The following SORCS1 variants were observed in gnomAD, a reference collection of about 807,000 sequenced individuals.
SORCS1 encodes sortilin related VPS10 domain containing receptor 1, also known as VPS10 domain-containing receptor SorCS1.
SORCS1 carries 60 observed loss-of-function variants against 146.1 expected under a neutral mutation model. The observed-to-expected ratio is 0.41, with a 90% confidence interval of 0.33 to 0.51. The LOEUF (loss-of-function observed/expected upper bound fraction) is 0.51. Ranked by LOEUF, SORCS1 falls within the 20% of genes least tolerant of loss-of-function variation. The pLI is 0.21. For missense variants in SORCS1, 1,352 were observed against 1,487.6 expected (o/e 0.91, Z 1.50); for synonymous variants, 637 against 584.0 (o/e 1.09, Z -1.31).
chr10:106,644,029 T>C (rs1849245601), intron 18 of SORCS1, among the ~76,000 whole-genome samples: 1 of 152,188 alleles, frequency 6.6e-6, no homozygotes, highest in South Asian at 2.1e-4. Context: ...ACTTTCACAT[T>C]CACCTTGCAG....
chr10:106,933,289 A>T (rs1953513121), intron 2 of SORCS1, among the ~76,000 whole-genome samples: 1 of 152,118 alleles, frequency 6.6e-6, no homozygotes, highest in African/African-American at 2.4e-5. Context: ...CTTTTACACT[A>T]CCTGTGTCCT....
intron 2 of SORCS1, among the ~76,000 whole-genome samples, chr10:106,883,343 G>A (rs1034062022): frequency 5.3e-5 from 8 of 151,900 alleles, no homozygotes; most frequent in African/African-American, 1.5e-4. Context: ...CAGATTCTAC[G>A]CCATGCTCAA....
intron 1 of SORCS1, among the ~76,000 whole-genome samples, chr10:107,022,333 A>C (rs1029769166): frequency 6.6e-6 from 1 of 152,186 alleles, no homozygotes; most frequent in Non-Finnish European, 1.5e-5. Flanking sequence ...ACCAATCTTA[A>C]ATCAAGACTT....
intron 2 of SORCS1, among the ~76,000 whole-genome samples, chr10:106,950,465 C>T (rs1261687756): frequency 1.3e-5 from 2 of 152,050 alleles, no homozygotes; most frequent in African/African-American, 2.4e-5. Flanking sequence ...GAAAAGTGCA[C>T]GTATCTACTT....
At chr10:106,803,417 A>C (rs1947009624) in intron 3 of SORCS1, among the ~76,000 whole-genome samples, 1 of 152,212 alleles carries the variant, frequency 6.6e-6, no homozygotes, top group Admixed American at 6.5e-5. Context: ...GTTTTTATCA[A>C]ATCATTCACC....
intron 2 of SORCS1, among the ~76,000 whole-genome samples, chr10:106,891,231 G>A (rs887402105): frequency 2.0e-5 from 3 of 152,152 alleles, no homozygotes; most frequent in Non-Finnish European, 4.4e-5. Flanking sequence ...TCAAGCTGAT[G>A]ATTGGTCTGG....
intron 1 of SORCS1, among the ~76,000 whole-genome samples, chr10:107,115,353 G>C (rs911663518): frequency 6.6e-6 from 1 of 151,906 alleles, no homozygotes; most frequent in Non-Finnish European, 1.5e-5. Flanking sequence ...TGATTTTAAA[G>C]TATATTACAA....
At chr10:107,089,838 G>T (rs1446148139) in intron 1 of SORCS1, among the ~76,000 whole-genome samples, 1 of 152,108 alleles carries the variant, frequency 6.6e-6, no homozygotes, top group African/African-American at 2.4e-5. Context: ...CTAGATTCAA[G>T]TTACTGTAAG....
intron 3 of SORCS1, among the ~76,000 whole-genome samples, chr10:106,794,963 C>T (rs1422932530): frequency 6.6e-6 from 1 of 152,214 alleles, no homozygotes; most frequent in Non-Finnish European, 1.5e-5. Flanking sequence ...ATTCTGCTCA[C>T]TCACACGACC....
At chr10:106,906,838 A>G (rs1198720980) in intron 2 of SORCS1, among the ~76,000 whole-genome samples, 1 of 152,210 alleles carries the variant, frequency 6.6e-6, no homozygotes, top group Admixed American at 6.5e-5. Context: ...TCATCAATAG[A>G]GTATGGGATG....
rs1564765089 is a variant in SORCS1, at chr10:106,878,639, TATATATA to T, written c.627-48973_627-48967del. 1.0e-4 allele frequency among the ~76,000 whole-genome samples: 14 copies of T among 138,040 alleles called. 1 individual carries two copies. The highest frequency in any genetic ancestry group is 9.3e-4 in the South Asian group (4 of 4,320). The allele number at this position is 138,040 out of a possible 152,430, so 90.6% of individuals were successfully genotyped here. ...TACCTAGTATATATATATATATATA[TATATATA>T]TATTTTATAGCAGCCTGAATGGACT... On this transcript the variant is annotated intron_variant, in intron 2 of 25. Coordinates refer to ENST00000263054, the MANE Select transcript of SORCS1 (RefSeq NM_052918.5).
At chr10:106,830,571 T>C (rs1589497065) in intron 2 of SORCS1, among the ~76,000 whole-genome samples, 2 of 151,026 alleles carry the variant, frequency 1.3e-5, no homozygotes, top group East Asian at 3.9e-4. Flanking sequence ...AGCTTTTTTT[T>C]TTTTTCCTTT....
At chr10:106,614,817 G>A (rs1013400803) in intron 21 of SORCS1, among the ~76,000 whole-genome samples, 7 of 152,148 alleles carry the variant, frequency 4.6e-5, no homozygotes, top group Non-Finnish European at 8.8e-5. Context: ...GCGTGTGGGC[G>A]GACTGAAAAG....
intron 1 of SORCS1, among the ~76,000 whole-genome samples, chr10:107,075,688 A>T (rs1962817548): frequency 6.6e-6 from 1 of 152,072 alleles, no homozygotes; most frequent in Non-Finnish European, 1.5e-5. Context: ...CCTTTCAATA[A>T]ATTTTTAAAA....
chr10:106,726,359 C>CAAAAAAAAAAAAAAAAAAAAAAA, intron 6 of SORCS1, among the ~76,000 whole-genome samples: 1 of 43,582 alleles, frequency 2.3e-5, no homozygotes, highest in Non-Finnish European at 3.8e-5. Flanking sequence ...GCTGCCTTCG[C>CAAAAAAAAAAAAAAAAAAAAAAA]AAAAAAAAAA....
intron 2 of SORCS1, among the ~76,000 whole-genome samples, chr10:106,925,118 A>T (rs1308611094): frequency 1.3e-5 from 2 of 152,226 alleles, no homozygotes; most frequent in East Asian, 3.8e-4. Flanking sequence ...TAAAATATCA[A>T]AGCTCTGGCA....
Position 106,706,611 on chromosome 10 carries a change from A to T in SORCS1, c.1167T>A (p.His389Gln), listed in dbSNP as rs761037543. The change falls in exon 8 of 26, where the codon CAT becomes CAA. Residue 389 changes from histidine (H) to glutamine (Q), a missense_variant. His to Gln is a conservative substitution (Grantham distance 24). This residue lies in a region of SORCS1 where 648 missense variants were observed against 793.8 expected (regional missense o/e 0.82). Transcript: ENST00000263054. ...CATTCCTTCGGTAGGACACGTAGTAATGTGGCCGCCCTCCTGATGTCAGCT... is the reference window on the plus strand; with the variant it reads ...CATTCCTTCGGTAGGACACGTAGTATTGTGGCCGCCCTCCTGATGTCAGCT... ...FVQLTSGGRP[H>Q]YYVSYRRNAF... is the part of the protein sequence containing the mutation. 16 of 1,614,040 alleles carry T rather than the reference A, an allele frequency of 9.9e-6. No individual in the cohort carries two copies. In the South Asian group the frequency reaches 1.1e-4, roughly 11 times the overall value.
At chr10:106,638,779 C>G (rs181295155) in intron 18 of SORCS1, among the ~76,000 whole-genome samples, 93 of 152,164 alleles carry the variant, frequency 6.1e-4, no homozygotes, top group Admixed American at 2.1e-3. Context: ...GAAAGAGGTG[C>G]CCTACAAAAG....
At chr10:106,961,467 T>G (rs770324599) in intron 1 of SORCS1, among the ~76,000 whole-genome samples, 4 of 152,226 alleles carry the variant, frequency 2.6e-5, no homozygotes, top group Non-Finnish European at 5.9e-5. Flanking sequence ...TTCTATGCTT[T>G]TCTAAACAGA....
Sources: allele counts gnomAD v4.1 joint callset (sites outside exome capture counted in the v4.1 genomes callset), GRCh38; gene constraint gnomAD v4.1.1; regional missense constraint gnomAD v4.1.1; transcripts MANE v1.5; gene names NCBI Gene and HGNC (gene_info 2026-07-23, HGNC 2026-07-21).